Variants in NUMB observed in about 807,000 individuals in gnomAD.
The protein encoded by NUMB is NUMB endocytic adaptor protein, also known as protein numb homolog.
A neutral mutation model predicts 59.7 loss-of-function variants in NUMB; 29 were observed. The ratio of observed to expected loss-of-function variants is 0.49; its 90% CI spans 0.36 to 0.66. The LOEUF (loss-of-function observed/expected upper bound fraction) is 0.66, where lower values mean the gene tolerates loss of function less well. NUMB is among the 30% of genes least tolerant of loss of function. NUMB has a pLI of 0.00. For missense variants in NUMB, 723 were observed against 822.0 expected (o/e 0.88, Z 1.47); for synonymous variants, 288 against 288.2 (o/e 1.00, Z 0.01).
At chr14:73,369,517 G>A (rs1754517878) in intron 2 of NUMB, among the ~76,000 whole-genome samples, 1 of 152,008 alleles carries the variant, frequency 6.6e-6, no homozygotes, top group Non-Finnish European at 1.5e-5. Context: ...AAGTATAACT[G>A]GACACAAAAA....
chr14:73,435,961 GC>G lies in NUMB; in HGVS notation c.-233+22531del, dbSNP rs1053726779. On this transcript the variant is annotated intron_variant, in intron 1 of 12. Coordinates refer to ENST00000555238, the MANE Select transcript of NUMB (RefSeq NM_001005743.2). Reference sequence around the variant, plus strand: ...GTGGAGGTTGCAGTGAGCCAAGATCGCACCACTGCACTCTAGCCTGAGCAAT... The same window carrying G: ...GTGGAGGTTGCAGTGAGCCAAGATCGACCACTGCACTCTAGCCTGAGCAAT... 4.7e-5 allele frequency among the ~76,000 whole-genome samples: 7 copies of G among 150,132 alleles called. No individual in the cohort carries two copies. In the East Asian group the frequency reaches 7.9e-4, roughly 17 times the overall value.
chr14:73,319,563 CTA>C (rs1891284407), intron 5 of NUMB, among the ~76,000 whole-genome samples: 1 of 152,006 alleles, frequency 6.6e-6, no homozygotes, highest in Non-Finnish European at 1.5e-5. Flanking sequence ...GCTTTATAAT[CTA>C]TAAAAAAAAC....
chr14:73,329,980 T>A (rs980902929), intron 4 of NUMB, among the ~76,000 whole-genome samples: 1 of 152,208 alleles, frequency 6.6e-6, no homozygotes, highest in African/African-American at 2.4e-5. Context: ...TGTTTGTATT[T>A]ACCTGCTTAT....
At position 73,295,557 on chromosome 14, in the gene NUMB, T is replaced by C. The variant is rs560317916; in HGVS notation, c.309+1654A>G. On this transcript the variant is annotated intron_variant, in intron 7 of 12. Transcript: ENST00000555238. Reference sequence around the variant, plus strand: ...TACTAAAAGTGAAGACTATTGCTTCTCTTGAACTTAAAAAAAAGTATGCAA... The same window carrying C: ...TACTAAAAGTGAAGACTATTGCTTCCCTTGAACTTAAAAAAAAGTATGCAA... Among the ~76,000 whole-genome samples the C allele has an allele frequency of 7.2e-5, 11 of 152,286 alleles. No individual in the cohort carries two copies. In the East Asian group the frequency reaches 2.1e-3, roughly 29 times the overall value.
chr14:73,444,308 A>T (rs879663629), intron 1 of NUMB, among the ~76,000 whole-genome samples: 31 of 150,706 alleles, frequency 2.1e-4, no homozygotes, highest in Non-Finnish European at 4.0e-4. Context: ...CTGAGGCAGG[A>T]GAATTGCTTG....
chr14:73,397,093 C>G (rs1290353265), intron 2 of NUMB, among the ~76,000 whole-genome samples: 6 of 152,118 alleles, frequency 3.9e-5, no homozygotes, highest in Non-Finnish European at 8.8e-5. Context: ...CACTGCACTC[C>G]AGCCTGGGCA....
intron 5 of NUMB, among the ~76,000 whole-genome samples, chr14:73,319,272 GAATA>G (rs1376092945): frequency 6.6e-6 from 1 of 152,042 alleles, no homozygotes; most frequent in African/African-American, 2.4e-5. Flanking sequence ...CAAAAAAAAT[GAATA>G]AATAAAAAGC....
chr14:73,378,207 T>C (rs1041683666), intron 2 of NUMB, among the ~76,000 whole-genome samples: 1 of 152,148 alleles, frequency 6.6e-6, no homozygotes, highest in Non-Finnish European at 1.5e-5. Flanking sequence ...CAGATACCAT[T>C]ACACACCCAC....
intron 5 of NUMB, among the ~76,000 whole-genome samples, chr14:73,322,133 G>A (rs1344539508): frequency 6.6e-6 from 1 of 152,164 alleles, no homozygotes; most frequent in Non-Finnish European, 1.5e-5. Context: ...AAAGCAACAT[G>A]TATTTAATGC....
At chr14:73,374,690 C>CT (rs571289209) in intron 2 of NUMB, among the ~76,000 whole-genome samples, 50 of 142,424 alleles carry the variant, frequency 3.5e-4, no homozygotes, top group Admixed American at 2.2e-3. Context: ...TTTTAGGAAA[C>CT]TTTTTTTTAG....
At chr14:73,377,991 A>ACACATG (rs2140070793) in intron 2 of NUMB, among the ~76,000 whole-genome samples, 1 of 107,330 alleles carries the variant, frequency 9.3e-6, no homozygotes, top group African/African-American at 5.5e-5. Context: ...ATATATATAC[A>ACACATG]CATACACACA....
intron 6 of NUMB, among the ~76,000 whole-genome samples, chr14:73,309,754 AAT>A (rs1479039047): frequency 1.9e-4 from 25 of 128,570 alleles, no homozygotes; most frequent in African/African-American, 7.4e-4. Context: ...TAATAATAAT[AAT>A]AAAAATAGGA....
intron 3 of NUMB, among the ~76,000 whole-genome samples, chr14:73,362,996 A>G (rs1894163474): frequency 6.6e-6 from 1 of 151,542 alleles, no homozygotes; most frequent in African/African-American, 2.4e-5. Context: ...TAAAAAAAGA[A>G]AAATTTAAAA....
intron 11 of NUMB, among the ~76,000 whole-genome samples, chr14:73,280,160 C>A (rs10151201): frequency 0.32 from 48,408 of 150,150 alleles, 8,898 homozygotes; most frequent in East Asian, 0.71. Flanking sequence ...CCATCTCAAA[C>A]AAAAAAAAAT....
chr14:73,389,697 A>G (rs1483253158), intron 2 of NUMB, among the ~76,000 whole-genome samples: 1 of 152,208 alleles, frequency 6.6e-6, no homozygotes, highest in Non-Finnish European at 1.5e-5. Context: ...AGTTAATACT[A>G]TTCTCATGTT....
chr14:73,288,407 C>G lies in NUMB; in HGVS notation c.451-1093G>C, dbSNP rs572336644. Among the ~76,000 whole-genome samples the G allele has an allele frequency of 1.8e-4, 28 of 151,594 alleles. 1 individual carries two copies. In the East Asian group the frequency reaches 5.4e-3, roughly 29 times the overall value. ...CTCTACTAAAAATACAAAAATTAGC[C>G]GGATGTGGTGGCGGGTGCCTGTAAT... On this transcript the variant is annotated intron_variant, in intron 8 of 12. Coordinates refer to ENST00000555238, the MANE Select transcript of NUMB (RefSeq NM_001005743.2).
chr14:73,447,828 G>A (rs1349240882), intron 1 of NUMB, among the ~76,000 whole-genome samples: 2 of 150,454 alleles, frequency 1.3e-5, no homozygotes, highest in African/African-American at 2.4e-5. Context: ...TGTCACCCAG[G>A]CTGGAGTGCA....
chr14:73,334,059 T>TG (rs941450170), intron 4 of NUMB, among the ~76,000 whole-genome samples: 21 of 141,046 alleles, frequency 1.5e-4, no homozygotes, highest in African/African-American at 5.5e-4. Flanking sequence ...TGTGTGTGTG[T>TG]TTTTTTTTCG....
intron 8 of NUMB, 93 bp from the exon 9 acceptor site, chr14:73,287,407 G>A (rs1889089869): frequency 2.6e-6 from 3 of 1,137,222 alleles, no homozygotes; most frequent in Non-Finnish European, 3.7e-6. Context: ...TTGAGACAGA[G>A]TCTTACTGTT....
Sources: gnomAD v4.1 joint callset for allele counts (sites outside exome capture counted in the v4.1 genomes callset) on GRCh38, gnomAD v4.1.1 for gene constraint, MANE v1.5 for transcripts, NCBI Gene and HGNC (gene_info 2026-07-23, HGNC 2026-07-21) for gene names.